The following PTPRB variants were observed in gnomAD, a reference collection of about 807,000 sequenced individuals.
PTPRB encodes the protein receptor-type tyrosine-protein phosphatase beta.
A neutral mutation model predicts 238.1 loss-of-function variants in PTPRB; 97 were observed. The ratio of observed to expected loss-of-function variants is 0.41; its 90% CI spans 0.35 to 0.48. The LOEUF (loss-of-function observed/expected upper bound fraction) is 0.48. PTPRB is among the 20% of genes least tolerant of loss of function. PTPRB has a pLI of 0.30. For synonymous variants in PTPRB, 970 were observed against 995.4 expected (o/e 0.97, Z 0.48); for missense variants, 2,292 against 2,681.9 (o/e 0.85, Z 3.21).
chr12:70,587,836 C>T (rs1409589405), intron 8 of PTPRB, among the ~76,000 whole-genome samples: 5 of 152,026 alleles, frequency 3.3e-5, no homozygotes, highest in African/African-American at 1.2e-4. Flanking sequence ...TGCGGTGGCT[C>T]ACATCTGTAA....
intron 3 of PTPRB, among the ~76,000 whole-genome samples, chr12:70,619,312 T>TAATAATGATGAC (rs1555239527): frequency 6.7e-6 from 1 of 150,080 alleles, no homozygotes; most frequent in South Asian, 2.1e-4. Flanking sequence ...ATGATGATGA[T>TAATAATGATGAC]GATAATGATA....
intron 3 of PTPRB, among the ~76,000 whole-genome samples, chr12:70,611,835 C>A (rs1328513199): frequency 6.6e-6 from 1 of 152,112 alleles, no homozygotes; most frequent in African/African-American, 2.4e-5. Context: ...AGAACTTTTA[C>A]TCTGTATTTT....
chr12:70,542,801 G>A (rs28767911), intron 22 of PTPRB: 30,276 of 150,176 alleles, frequency 0.2, 3,674 homozygotes, highest in Middle Eastern at 0.37. Flanking sequence ...GCAGGAGAAT[G>A]GCGTGAACCT....
At chr12:70,524,289 G>C (rs1384312614) in intron 33 of PTPRB, among the ~76,000 whole-genome samples, 182 bp downstream of exon 33, 25 of 146,678 alleles carry the variant, frequency 1.7e-4, no homozygotes, top group Admixed American at 1.6e-3. Flanking sequence ...TTTTTTTTTA[G>C]TTTTTTGTAG....
rs540367022 is a variant in PTPRB, at chr12:70,595,353, A to G, written c.1259-629T>C. On this transcript the variant is annotated intron_variant, in intron 5 of 33. Transcript: ENST00000334414. ...TTAGGAAAAATATCTAATGTAGATG[A>G]TGGGTTGATGGGTGCAGCAAACCAC... is the stretch of plus-strand genomic sequence containing the variant. Among the ~76,000 whole-genome samples the G allele has an allele frequency of 1.3e-4, 20 of 152,304 alleles. 1 individual carries two copies. The East Asian group carries it at 3.9e-3, about 29-fold the overall frequency.
rs748491310 is a variant in PTPRB at position 70,581,199 on chromosome 12, G to C, written c.2415C>G (p.Val805=). 1.2e-6 allele frequency: 2 copies of C among 1,613,974 alleles called. No individual in the cohort carries two copies. The highest frequency in any genetic ancestry group is 1.7e-6 in the Non-Finnish European group (2 of 1,179,890). ...QAQGDVEFYQ[V]LLIHENVVIK... ...TGACCACATTTTCATGGATCAGTAAGACTTGGTAAAATTCTACGTCTCCTT... is the reference window on the plus strand; with the variant it reads ...TGACCACATTTTCATGGATCAGTAACACTTGGTAAAATTCTACGTCTCCTT... The change falls in exon 10 of 34, where the codon GTC becomes GTG. Residue 805 remains valine, a synonymous_variant. Coordinates refer to ENST00000334414, the MANE Select transcript of PTPRB (RefSeq NM_001109754.4).
At chr12:70,564,858 TAATAATAA>T (rs1442996881) in intron 15 of PTPRB, among the ~76,000 whole-genome samples, 4 of 92,152 alleles carry the variant, frequency 4.3e-5, no homozygotes, top group Non-Finnish European at 8.8e-5. Flanking sequence ...ATAATAATAA[TAATAATAA>T]TAATAATAAT....
chr12:70,567,072 C>T (rs1266330631), intron 14 of PTPRB, among the ~76,000 whole-genome samples: 1 of 152,122 alleles, frequency 6.6e-6, no homozygotes, highest in Admixed American at 6.5e-5. Context: ...AATTATGTCT[C>T]TTGTTTAGAC....
rs1259838886 is a variant in PTPRB at position 70,522,855 on chromosome 12, TG to T, written c.6626-1345del. On this transcript the variant is annotated intron_variant, in intron 33 of 33. Transcript: ENST00000334414. ...TCCTCAAAAATAGCATTCTTTTGTT[TG>T]TTTTTTCTTTTTTTTTTTTTTTTTG... Among the ~76,000 whole-genome samples, 12 of 135,318 alleles carry T rather than the reference TG, an allele frequency of 8.9e-5. No homozygotes were observed. In the South Asian group the frequency reaches 2.5e-3, roughly 28 times the overall value. 88.8% of individuals were successfully genotyped at this position (135,318 alleles called of 152,430 possible).
At chr12:70,539,049 T>A (rs1292588565) in intron 26 of PTPRB, 35 bp from the exon 27 acceptor site, 1 of 1,503,560 alleles carries the variant, frequency 6.7e-7, no homozygotes, top group Admixed American at 1.7e-5. Flanking sequence ...AAGTGGAGAA[T>A]ATGAAATAGA....
intron 32 of PTPRB, 123 bp downstream of exon 32, chr12:70,531,911 TC>T: frequency 9.0e-7 from 1 of 1,110,692 alleles, no homozygotes; most frequent in Non-Finnish European, 1.3e-6. Context: ...TACATGCAGT[TC>T]TTTTTTTCTC....
chr12:70,572,775 TAAAA>T (rs10709963), intron 11 of PTPRB, among the ~76,000 whole-genome samples: 1 of 93,964 alleles, frequency 1.1e-5, no homozygotes, highest in Non-Finnish European at 2.4e-5. Context: ...CTCCATCTCA[TAAAA>T]AAAAAAAAAA....
chr12:70,585,981 CT>C (rs1477909824), intron 9 of PTPRB, among the ~76,000 whole-genome samples: 1 of 152,052 alleles, frequency 6.6e-6, no homozygotes, highest in Non-Finnish European at 1.5e-5. Context: ...CGAACTCATC[CT>C]TTTTTATGGC....
At chr12:70,566,776 C>T in intron 14 of PTPRB, 72 bp from the exon 15 acceptor site, 3 of 1,497,348 alleles carry the variant, frequency 2.0e-6, no homozygotes, top group Non-Finnish European at 2.7e-6. Context: ...TTGAGAAAAA[C>T]TCCTGAATCA....
chr12:70,592,624 T>G, intron 6 of PTPRB, 79 bp from the exon 7 acceptor site: 1 of 1,451,628 alleles, frequency 6.9e-7, no homozygotes, highest in Non-Finnish European at 9.3e-7. Context: ...ACCTGTAATT[T>G]TATTTCTGCA....
chr12:70,614,346 T>A (rs534618808), intron 3 of PTPRB, among the ~76,000 whole-genome samples: 41 of 152,318 alleles, frequency 2.7e-4, no homozygotes, highest in Non-Finnish European at 4.6e-4. Context: ...ATTTTTTTTT[T>A]AATAAATTTT....
intron 3 of PTPRB, 142 bp from the exon 4 acceptor site, chr12:70,609,481 AGAG>A: frequency 8.7e-7 from 1 of 1,149,366 alleles, no homozygotes; most frequent in African/African-American, 1.5e-5. Context: ...CCCTCTGGCC[AGAG>A]AAGAGGCTTG....
intron 3 of PTPRB, among the ~76,000 whole-genome samples, chr12:70,615,354 T>A (rs1884630324): frequency 6.6e-6 from 1 of 152,136 alleles, no homozygotes; most frequent in South Asian, 2.1e-4. Context: ...AGCCAAGATT[T>A]TTTTAAAATA....
intron 11 of PTPRB, among the ~76,000 whole-genome samples, chr12:70,575,541 C>T (rs1880587164): frequency 6.6e-6 from 1 of 152,138 alleles, no homozygotes; most frequent in South Asian, 2.1e-4. Flanking sequence ...TATTCCTTTG[C>T]CAAGTATTTA....
Sources: gnomAD v4.1 joint callset for allele counts (sites outside exome capture counted in the v4.1 genomes callset) on GRCh38, gnomAD v4.1.1 for gene constraint, MANE v1.5 for transcripts, NCBI Gene and HGNC (gene_info 2026-07-23, HGNC 2026-07-21) for gene names.